NID1: variants seen among roughly 807,000 people sequenced by gnomAD.
The protein encoded by NID1 is nidogen 1.
A neutral mutation model predicts 130.6 loss-of-function variants in NID1; 76 were observed. The observed-to-expected ratio is 0.58, with a 90% CI of 0.48 to 0.70. NID1 has a LOEUF of 0.70. Among genes scored for constraint, NID1 ranks in the 30% least tolerant of loss-of-function variants. The pLI, the probability that NID1 is intolerant of heterozygous loss-of-function variation, is 0.00. For synonymous variants in NID1, 665 were observed against 675.1 expected, an observed-to-expected ratio of 0.98 and a Z score of 0.23; for missense variants, 1,517 against 1,664.8, an observed-to-expected ratio of 0.91 and a Z score of 1.54.
At chr1:236,052,759 TGTGA>T (rs1004446336) in intron 1 of NID1, among the ~76,000 whole-genome samples, 1 of 152,188 alleles carries the variant, frequency 6.6e-6, no homozygotes, top group Non-Finnish European at 1.5e-5. Flanking sequence ...ACTGTCCGAC[TGTGA>T]GTGAGTGTGG....
rs576398606 is a variant in NID1 at position 236,013,898 on chromosome 1, G to A, written c.2255-338C>T. Among the ~76,000 whole-genome samples the A allele has an allele frequency of 6.2e-4, 95 of 152,248 alleles. 1 individual carries two copies. The South Asian group carries it at 0.012, about 20-fold the overall frequency. Reference sequence around the variant, plus strand: ...CAGGACCCAACTTTCCCTTCATCTGGATATGGGGGTGGGACATCTGCAGAT... The same window carrying A: ...CAGGACCCAACTTTCCCTTCATCTGAATATGGGGGTGGGACATCTGCAGAT... On this transcript the variant is annotated intron_variant, in intron 10 of 19. Transcript: ENST00000264187.
chr1:235,997,888 A>C (rs1000928187), intron 12 of NID1, among the ~76,000 whole-genome samples: 18 of 152,052 alleles, frequency 1.2e-4, no homozygotes, highest in Admixed American at 5.9e-4. Flanking sequence ...GATTACAGGT[A>C]TGAGCCACCA....
At position 236,041,986 on chromosome 1, in the gene NID1, G is replaced by A. The variant is rs1271982135; in HGVS notation, c.1059C>T (p.Phe353=). 8 of 1,614,028 alleles carry A rather than the reference G, an allele frequency of 5.0e-6. No homozygotes were observed. Among genetic ancestry groups the A allele is most frequent in the Non-Finnish European group, 6.8e-6 (8 of 1,180,030 alleles). Residue 353 remains phenylalanine, a synonymous_variant, in exon 4 of 20, where the codon TTC becomes TTT. Coordinates refer to ENST00000264187, the MANE Select transcript of NID1 (RefSeq NM_002508.3). The part of the protein sequence containing the change: ...LGPPTERTRS[F]QLAVETFHQQ... Reference sequence around the variant, plus strand: ...GGTGAAAAGTCTCCACTGCCAACTGGAAAGACCTGGTTCTCTCTGTGGGAG... The same window carrying A: ...GGTGAAAAGTCTCCACTGCCAACTGAAAAGACCTGGTTCTCTCTGTGGGAG...
At chr1:236,034,685 G>T (rs1292123832) in intron 5 of NID1, among the ~76,000 whole-genome samples, 3 of 152,114 alleles carry the variant, frequency 2.0e-5, no homozygotes, top group Non-Finnish European at 4.4e-5. Flanking sequence ...TGTTTCTTTT[G>T]GGGGTGATGA....
rs180802763 is a variant in NID1 at position 235,992,746 on chromosome 1, C to T, written c.2755+899G>A. On this transcript the variant is annotated intron_variant, in intron 13 of 19. Transcript: ENST00000264187. ...CCTCAGTGAATGTTGGCTGTGTGAA[C>T]GAGTGAAGTTTCTGAGTAATTGTTT... is the stretch of plus-strand genomic sequence containing the variant. Among the ~76,000 whole-genome samples, 177 of 152,288 alleles carry T rather than the reference C, an allele frequency of 1.2e-3. 1 individual carries two copies. Among genetic ancestry groups the T allele is most frequent in the African/African-American group, 4.2e-3 (173 of 41,554 alleles).
chr1:236,034,655 G>A (rs1254478378), intron 5 of NID1, among the ~76,000 whole-genome samples: 1 of 152,184 alleles, frequency 6.6e-6, no homozygotes, highest in Non-Finnish European at 1.5e-5. Flanking sequence ...GAAATCAAGA[G>A]TGACTACTAA....
At chr1:236,004,505 A>G (rs1026844908) in intron 12 of NID1, among the ~76,000 whole-genome samples, 13 of 151,820 alleles carry the variant, frequency 8.6e-5, no homozygotes, top group Admixed American at 2.6e-4. Context: ...GCTCATGCCT[A>G]TAATTCCAGC....
Position 236,017,158 on chromosome 1 carries a change from T to C in NID1, c.2244A>G (p.Gly748=), listed in dbSNP as rs773407582. The C allele has an allele frequency of 6.2e-7, 1 of 1,614,134 alleles. No homozygotes were observed. Among genetic ancestry groups the C allele is most frequent in the Non-Finnish European group, 8.5e-7 (1 of 1,179,990 alleles). The part of the protein sequence containing the change: ...CVEGYQFSDE[G]TCVAVVDQRP... Reference sequence around the variant, plus strand: ...ACCTGGAGAACTTACCCACACACGTTCCCTCATCTGAAAACTGGTAGCCCT... The same window carrying C: ...ACCTGGAGAACTTACCCACACACGTCCCCTCATCTGAAAACTGGTAGCCCT... Residue 748 remains glycine, a synonymous_variant, in exon 10 of 20, where the codon GGA becomes GGG. Transcript: ENST00000264187.
intron 9 of NID1, among the ~76,000 whole-genome samples, chr1:236,021,539 A>G (rs985113211): frequency 1.3e-5 from 2 of 152,152 alleles, no homozygotes; most frequent in African/African-American, 4.8e-5. Context: ...TCAGCACACC[A>G]AATCTGCCAT....
chr1:236,026,017 A>T lies in NID1; in HGVS notation c.1863T>A (p.Asp621Glu). 1.9e-6 allele frequency: 3 copies of T among 1,613,124 alleles called. No homozygotes were observed. In the East Asian group the frequency reaches 6.7e-5, roughly 36 times the overall value. ...QTITFQECVH[D>E]DSRPALPSTQ... is the part of the protein sequence containing the mutation. ...TGCTGGGCAGGGCTGGCCGGGAGTC[A>T]TCGTGGACGCATTCCTGGAAGGTGA... Residue 621 changes from aspartate (D) to glutamate (E), a missense_variant, in exon 8 of 20, where the codon GAT becomes GAA. Asp to Glu is a conservative substitution (Grantham distance 45, BLOSUM62 2). This residue lies in a region of NID1 where 1,329 missense variants were observed against 1,429.2 expected (regional missense o/e 0.93). Coordinates refer to ENST00000264187, the MANE Select transcript of NID1 (RefSeq NM_002508.3).
chr1:235,997,060 C>T (rs1012035475), intron 12 of NID1, among the ~76,000 whole-genome samples: 2 of 152,112 alleles, frequency 1.3e-5, no homozygotes, highest in Admixed American at 1.3e-4. Flanking sequence ...TCTTGAACTC[C>T]TGACTTCAGG....
chr1:236,010,300 CTTT>C (rs551127579), intron 12 of NID1, among the ~76,000 whole-genome samples: 8 of 107,184 alleles, frequency 7.5e-5, no homozygotes, highest in Admixed American at 4.1e-4. Flanking sequence ...GCTATTTATA[CTTT>C]TTTTTTTTTT....
At chr1:235,987,839 G>C (rs1657618526) in intron 14 of NID1, among the ~76,000 whole-genome samples, 1 of 151,974 alleles carries the variant, frequency 6.6e-6, no homozygotes, top group African/African-American at 2.4e-5. Flanking sequence ...CCTCCTCAAG[G>C]GGTCAAGTCA....
intron 1 of NID1, among the ~76,000 whole-genome samples, chr1:236,054,412 C>T (rs1292917739): frequency 2.6e-5 from 4 of 151,992 alleles, no homozygotes; most frequent in African/African-American, 4.8e-5. Flanking sequence ...GCCGAGACTG[C>T]GTCATTGCAC....
intron 6 of NID1, among the ~76,000 whole-genome samples, chr1:236,031,110 CT>C (rs1180896878): frequency 1.3e-5 from 2 of 151,148 alleles, no homozygotes; most frequent in South Asian, 2.1e-4. Context: ...CAATCCTTTT[CT>C]TTTTTTCTTT....
At chr1:236,013,609 G>A in intron 10 of NID1, 49 bp from the exon 11 acceptor site, 1 of 1,611,140 alleles carries the variant, frequency 6.2e-7, no homozygotes, top group Non-Finnish European at 8.5e-7. Flanking sequence ...AGTCCCCTGA[G>A]CAGGCCACAT....
At chr1:236,017,529 G>T (rs145454658) in intron 9 of NID1, among the ~76,000 whole-genome samples, 3,086 of 152,012 alleles carry the variant, frequency 0.02, 101 homozygotes, top group African/African-American at 0.069. Context: ...GGGATTACAC[G>T]TGTGTGCCAC....
chr1:235,991,217 C>G (rs1294787351), intron 13 of NID1, among the ~76,000 whole-genome samples, 159 bp from the exon 14 acceptor site: 3 of 152,330 alleles, frequency 2.0e-5, no homozygotes, highest in Admixed American at 6.5e-5. Context: ...GCCACAGCCA[C>G]ACAATGCCCA....
At chr1:235,988,555 G>A (rs970068760) in intron 14 of NID1, among the ~76,000 whole-genome samples, 6 of 152,064 alleles carry the variant, frequency 3.9e-5, no homozygotes, top group African/African-American at 1.5e-4. Flanking sequence ...GTTAAAGCAG[G>A]GACTCGAACA....
Sources: allele counts gnomAD v4.1 joint callset (sites outside exome capture counted in the v4.1 genomes callset), GRCh38; gene constraint gnomAD v4.1.1; regional missense constraint gnomAD v4.1.1; transcripts MANE v1.5; gene names NCBI Gene and HGNC (gene_info 2026-07-23, HGNC 2026-07-21).